The following TGFA variants were observed in gnomAD, a reference collection of about 807,000 sequenced individuals.
TGFA encodes the protein transforming growth factor alpha.
Under a neutral mutation model 21.7 loss-of-function variants are expected in TGFA, and 12 were observed. That is an observed-to-expected ratio of 0.55 (90% CI 0.35 to 0.90). TGFA has a LOEUF of 0.90. Ranked by LOEUF, TGFA falls within the 40% of genes least tolerant of loss-of-function variation. TGFA has a pLI of 0.01. For synonymous variants in TGFA, 79 were observed against 88.1 expected (o/e 0.90, Z 0.58); for missense variants, 178 against 210.8 (o/e 0.84, Z 0.96).
At chr2:70,471,185 G>A (rs1371754587) in intron 2 of TGFA, among the ~76,000 whole-genome samples, 1 of 149,692 alleles carries the variant, frequency 6.7e-6, no homozygotes, top group Non-Finnish European at 1.5e-5. Context: ...GCAGGGTGCT[G>A]TCCTGCCCCC....
intron 2 of TGFA, among the ~76,000 whole-genome samples, chr2:70,478,794 G>C (rs1005007257): frequency 3.0e-4 from 45 of 152,208 alleles, no homozygotes; most frequent in African/African-American, 1.1e-3. Flanking sequence ...ATTTTTAGTA[G>C]GTTGCCTTTT....
intron 4 of TGFA, among the ~76,000 whole-genome samples, chr2:70,453,668 C>T (rs1290429504): frequency 1.3e-5 from 2 of 152,182 alleles, no homozygotes; most frequent in Non-Finnish European, 2.9e-5. Context: ...TGGGTAATTC[C>T]ACAAGTGTAA....
intron 5 of TGFA, among the ~76,000 whole-genome samples, chr2:70,452,490 A>G (rs539748849): frequency 1.3e-5 from 2 of 152,342 alleles, no homozygotes; most frequent in South Asian, 2.1e-4. Flanking sequence ...GAGACCTTTC[A>G]TAGGCCAAAT....
intron 2 of TGFA, among the ~76,000 whole-genome samples, chr2:70,495,839 T>C (rs1671557681): frequency 6.6e-6 from 1 of 152,136 alleles, no homozygotes. Context: ...TAATTCCCCA[T>C]TTTCCCCTCC....
chr2:70,553,699 G>C (rs781959102), intron 1 of TGFA, 29 bp downstream of exon 1: 2 of 1,331,088 alleles, frequency 1.5e-6, no homozygotes, highest in South Asian at 2.2e-5. Context: ...GTCGCGCGGC[G>C]CAGGGGGCGC....
Position 70,529,145 on chromosome 2 carries a change from G to T in TGFA, c.41-14233C>A, listed in dbSNP as rs549612208. Among the ~76,000 whole-genome samples, 306 of 152,336 alleles carry T rather than the reference G, an allele frequency of 2.0e-3. 1 individual carries two copies. Among genetic ancestry groups the T allele is most frequent in the Admixed American group, 3.2e-3 (49 of 15,304 alleles). ...AGTCAGGTGTGTGAGGTGGAGGGGA[G>T]TGTTTTTGGTTCACCGTATTCTCAT... On this transcript the variant is annotated intron_variant, in intron 1 of 5. Transcript: ENST00000295400.
At position 70,553,822 on chromosome 2, in the gene TGFA, C is replaced by G. The variant is rs186942988; in HGVS notation, c.-55G>C. 7,886 of 1,247,440 alleles carry G rather than the reference C, an allele frequency of 6.3e-3. 27 individuals carry two copies. The highest frequency in any genetic ancestry group is 7.4e-3 in the Non-Finnish European group (7,354 of 989,006). 77.3% of individuals were successfully genotyped at this position (1,247,440 alleles called of 1,614,324 possible). On this transcript the variant is annotated 5_prime_UTR_variant, in exon 1 of 6. Transcript: ENST00000295400. ...AGCCTCCTGCCCTACCTGCGGTGCC[C>G]GAGTGGCGGAGCGGCGCCGCGGTGC... is the stretch of plus-strand genomic sequence containing the variant.
At chr2:70,533,525 T>C (rs1553503987) in intron 1 of TGFA, among the ~76,000 whole-genome samples, 2 of 152,206 alleles carry the variant, frequency 1.3e-5, no homozygotes, top group Non-Finnish European at 2.9e-5. Context: ...AAGAAGCTAA[T>C]GTCTGTGTGT....
intron 2 of TGFA, among the ~76,000 whole-genome samples, chr2:70,493,661 C>A (rs1671497483): frequency 1.3e-5 from 2 of 152,190 alleles, no homozygotes; most frequent in African/African-American, 4.8e-5. Flanking sequence ...AAACTAAAAT[C>A]TACTCGGCAG....
chr2:70,552,775 C>T (rs112494231), intron 1 of TGFA, among the ~76,000 whole-genome samples: 10 of 152,344 alleles, frequency 6.6e-5, no homozygotes, highest in African/African-American at 2.4e-4. Flanking sequence ...GAGCCGCATG[C>T]TATACGGGTT....
intron 1 of TGFA, among the ~76,000 whole-genome samples, chr2:70,548,196 C>A (rs541269016): frequency 1.3e-5 from 2 of 152,276 alleles, no homozygotes; most frequent in Non-Finnish European, 2.9e-5. Context: ...TGTTTGCCAA[C>A]TGAGTACCTC....
Position 70,454,775 on chromosome 2 carries a change from G to A in TGFA, c.366-1448C>T, listed in dbSNP as rs146613403. 2.9e-3 allele frequency among the ~76,000 whole-genome samples: 445 copies of A among 152,306 alleles called. 1 individual carries two copies. The highest frequency in any genetic ancestry group is 8.9e-3 in the African/African-American group (370 of 41,580). On this transcript the variant is annotated intron_variant, in intron 4 of 5. Transcript: ENST00000295400. ...TGGCAGGGAGACCAAGGCTGGGAAG[G>A]GACACAGGAGTTGGGACTGGCCGCC...
At chr2:70,496,736 C>T (rs1671588796) in intron 2 of TGFA, among the ~76,000 whole-genome samples, 1 of 152,176 alleles carries the variant, frequency 6.6e-6, no homozygotes, top group African/African-American at 2.4e-5. Flanking sequence ...CATTTACTCA[C>T]TCAACAAAAT....
rs77012766 is a variant in TGFA, at chr2:70,521,514, C to T, written c.41-6602G>A. On this transcript the variant is annotated intron_variant, in intron 1 of 5. Coordinates refer to ENST00000295400, the MANE Select transcript of TGFA (RefSeq NM_003236.4). ...TGCACAGGGTTGTTTAGAGATTAAA[C>T]GAGAGACACATGAGAAAAATGTGGT... Among the ~76,000 whole-genome samples, 483 of 151,262 alleles carry T rather than the reference C, an allele frequency of 3.2e-3. 5 individuals carry two copies. Among genetic ancestry groups the T allele is most frequent in the African/African-American group, 0.011 (459 of 41,134 alleles).
rs568369857 is a variant in TGFA, at chr2:70,472,974, A to G, written c.95-7238T>C. 3.9e-5 allele frequency among the ~76,000 whole-genome samples: 6 copies of G among 152,348 alleles called. No individual in the cohort carries two copies. In the South Asian group the frequency reaches 8.3e-4, roughly 21 times the overall value. On this transcript the variant is annotated intron_variant, in intron 2 of 5. Coordinates refer to ENST00000295400, the MANE Select transcript of TGFA (RefSeq NM_003236.4). ...TACTACAATGGCAAAGCCAACTAAT[A>G]CTTTTTGGATGTCTAGGAGAAAAGG...
At chr2:70,549,658 G>T (rs1673424800) in intron 1 of TGFA, among the ~76,000 whole-genome samples, 2 of 152,260 alleles carry the variant, frequency 1.3e-5, no homozygotes, top group African/African-American at 4.8e-5. Context: ...TCTTCCCGTT[G>T]CCCATCCCTT....
intron 2 of TGFA, among the ~76,000 whole-genome samples, chr2:70,509,448 T>G (rs1371254584): frequency 2.0e-5 from 3 of 152,128 alleles, no homozygotes; most frequent in Non-Finnish European, 4.4e-5. Context: ...AAGCCCAGGG[T>G]CACCACTGAG....
chr2:70,460,283 G>A (rs782395084), intron 3 of TGFA, among the ~76,000 whole-genome samples: 8 of 152,104 alleles, frequency 5.3e-5, no homozygotes, highest in Non-Finnish European at 1.0e-4. Flanking sequence ...CAGTGGGCAG[G>A]GGAGGGCGAT....
chr2:70,455,590 G>A (rs1428839201), intron 4 of TGFA, among the ~76,000 whole-genome samples: 1 of 152,116 alleles, frequency 6.6e-6, no homozygotes, highest in East Asian at 1.9e-4. Context: ...AAGTAATGGT[G>A]AAAACTGCAA....
Sources: allele counts gnomAD v4.1 joint callset (sites outside exome capture counted in the v4.1 genomes callset), GRCh38; gene constraint gnomAD v4.1.1; transcripts MANE v1.5; gene names NCBI Gene and HGNC (gene_info 2026-07-23, HGNC 2026-07-21).